The following SOX5 variants were observed in gnomAD, a reference collection of about 807,000 sequenced individuals.
The protein encoded by SOX5 is transcription factor SOX-5.
Under a neutral mutation model 92.0 loss-of-function variants are expected in SOX5, and 9 were observed. That is an observed-to-expected ratio of 0.10 (90% CI 0.06 to 0.17). SOX5 has a LOEUF of 0.17. SOX5 is among the 10% of genes least tolerant of loss of function. The probability of loss-of-function intolerance (pLI) is 1.00; values close to 1 mark genes in which losing one functional copy is unlikely to be tolerated. For synonymous variants in SOX5, 344 were observed against 336.3 expected (o/e 1.02, Z -0.25); for missense variants, 642 against 944.5 (o/e 0.68, Z 4.20).
chr12:23,666,803 G>C (rs1414244084), intron 6 of SOX5, among the ~76,000 whole-genome samples: 1 of 152,072 alleles, frequency 6.6e-6, no homozygotes, highest in Non-Finnish European at 1.5e-5. Context: ...GGTGAAAAAA[G>C]TAAAAGAAAC....
chr12:24,297,346 C>T (rs1050544112), intron 2 of SOX5, among the ~76,000 whole-genome samples: 2 of 152,322 alleles, frequency 1.3e-5, no homozygotes, highest in Middle Eastern at 6.8e-3. Flanking sequence ...TCTTCCCATT[C>T]TCAGATTTTT....
At chr12:24,228,648 C>CTGTG (rs1271626532) in intron 3 of SOX5, among the ~76,000 whole-genome samples, 1 of 152,074 alleles carries the variant, frequency 6.6e-6, no homozygotes, top group Non-Finnish European at 1.5e-5. Flanking sequence ...CAGAAATATT[C>CTGTG]TGTGTGTGTG....
intron 1 of SOX5, 44 bp downstream of exon 1, chr12:23,949,520 G>T: frequency 6.2e-7 from 1 of 1,610,774 alleles, no homozygotes; most frequent in African/African-American, 1.3e-5. Flanking sequence ...TGTAAAATGG[G>T]AGAGTTGTAC....
intron 4 of SOX5, among the ~76,000 whole-genome samples, chr12:24,211,157 T>C (rs979936173): frequency 2.6e-5 from 4 of 152,214 alleles, no homozygotes; most frequent in Non-Finnish European, 5.9e-5. Context: ...TCCTGTTGAA[T>C]GTACCTCTCT....
chr12:24,226,131 C>G (rs1300070512), intron 3 of SOX5, among the ~76,000 whole-genome samples: 1 of 152,104 alleles, frequency 6.6e-6, no homozygotes, highest in South Asian at 2.1e-4. Context: ...CAGATATGTT[C>G]TCATCTTCGA....
intron 8 of SOX5, among the ~76,000 whole-genome samples, chr12:23,620,060 G>A (rs901233180): frequency 2.0e-5 from 3 of 152,088 alleles, no homozygotes; most frequent in Non-Finnish European, 2.9e-5. Context: ...GCATGCAAGC[G>A]AGAGCTACAC....
intron 3 of SOX5, among the ~76,000 whole-genome samples, chr12:23,792,400 G>A (rs777429040): frequency 4.0e-5 from 6 of 151,700 alleles, no homozygotes; most frequent in Non-Finnish European, 8.8e-5. Flanking sequence ...CGAGGTGGGT[G>A]GATCATGAGG....
chr12:23,727,929 TC>T (rs5797034), intron 6 of SOX5, among the ~76,000 whole-genome samples: 4 of 152,092 alleles, frequency 2.6e-5, no homozygotes, highest in East Asian at 3.9e-4. Context: ...CACCTGTCAA[TC>T]CGTATGTCTG....
intron 4 of SOX5, among the ~76,000 whole-genome samples, chr12:24,109,423 A>G (rs1947066951): frequency 6.6e-6 from 1 of 152,174 alleles, no homozygotes; most frequent in Admixed American, 6.5e-5. Context: ...AGTTTAAAGA[A>G]TTATGCACTT....
intron 7 of SOX5, among the ~76,000 whole-genome samples, chr12:23,650,190 G>A (rs1264138303): frequency 1.3e-5 from 2 of 152,084 alleles, no homozygotes; most frequent in East Asian, 3.8e-4. Flanking sequence ...CAAAGTAGAA[G>A]AGTGTAAAAG....
chr12:23,588,886 A>G (rs967400755), intron 9 of SOX5, among the ~76,000 whole-genome samples: 1 of 151,996 alleles, frequency 6.6e-6, no homozygotes, highest in Non-Finnish European at 1.5e-5. Flanking sequence ...CTATGTTTAG[A>G]TACACAAATA....
rs567379335 is a variant in SOX5, at chr12:23,932,227, A to C, written c.38+17337T>G. 1.9e-4 allele frequency among the ~76,000 whole-genome samples: 29 copies of C among 151,708 alleles called. No individual in the cohort carries two copies. The South Asian group carries it at 5.6e-3, about 29-fold the overall frequency. Reference sequence around the variant, plus strand: ...AATCTAACCATGAGGATAAAATCAAATCCAGATCGTGAGACATTACATGAA... The same window carrying C: ...AATCTAACCATGAGGATAAAATCAACTCCAGATCGTGAGACATTACATGAA... On this transcript the variant is annotated intron_variant, in intron 1 of 14. Transcript: ENST00000451604.
intron 9 of SOX5, among the ~76,000 whole-genome samples, chr12:23,577,958 A>G (rs1433458936): frequency 6.6e-6 from 1 of 150,936 alleles, no homozygotes; most frequent in African/African-American, 2.4e-5. Flanking sequence ...TGTTTCTACT[A>G]AAAATACAAA....
intron 3 of SOX5, among the ~76,000 whole-genome samples, chr12:23,803,893 C>T (rs936432860): frequency 1.3e-5 from 2 of 152,170 alleles, no homozygotes; most frequent in African/African-American, 4.8e-5. Flanking sequence ...GATGACACAG[C>T]ATGAATAGAA....
chr12:24,319,699 G>A (rs558729), intron 2 of SOX5, among the ~76,000 whole-genome samples: 12,280 of 152,116 alleles, frequency 0.081, 688 homozygotes, highest in Non-Finnish European at 0.12. Flanking sequence ...TTACTATTTT[G>A]CAAAACAAAA....
At chr12:24,541,996 G>A (rs1036623444) in intron 1 of SOX5, among the ~76,000 whole-genome samples, 1 of 152,142 alleles carries the variant, frequency 6.6e-6, no homozygotes, top group African/African-American at 2.4e-5. Flanking sequence ...ACTACCTGAT[G>A]TCCCTTCATT....
At chr12:24,305,162 T>C (rs1460280792) in intron 2 of SOX5, among the ~76,000 whole-genome samples, 3 of 152,192 alleles carry the variant, frequency 2.0e-5, no homozygotes, top group Non-Finnish European at 2.9e-5. Context: ...TATAGGATAA[T>C]TATGTCAATA....
intron 3 of SOX5, among the ~76,000 whole-genome samples, chr12:23,809,211 T>C (rs1032308952): frequency 2.6e-5 from 4 of 152,070 alleles, no homozygotes; most frequent in African/African-American, 9.7e-5. Flanking sequence ...AGGAAACATG[T>C]TACATAAAAC....
chr12:24,476,189 A>T (rs532582635), intron 1 of SOX5, among the ~76,000 whole-genome samples: 1 of 152,310 alleles, frequency 6.6e-6, no homozygotes, highest in South Asian at 2.1e-4. Context: ...AAATAGAAAC[A>T]TTTATAACAT....
Sources: gnomAD v4.1 joint callset for allele counts (sites outside exome capture counted in the v4.1 genomes callset) on GRCh38, gnomAD v4.1.1 for gene constraint, MANE v1.5 for transcripts, NCBI Gene and HGNC (gene_info 2026-07-23, HGNC 2026-07-21) for gene names.